The following FCRL3 variants were observed in gnomAD, a reference collection of about 807,000 sequenced individuals.
FCRL3 encodes the protein Fc receptor-like protein 3.
FCRL3 carries 89 observed loss-of-function variants against 75.0 expected under a neutral mutation model. The ratio of observed to expected loss-of-function variants is 1.19; its 90% CI spans 1.00 to 1.42. The LOEUF is 1.42. FCRL3 is among the 40% of genes most tolerant of loss of function. The pLI is 0.00. For synonymous variants in FCRL3, 376 were observed against 348.5 expected, an observed-to-expected ratio of 1.08 and a Z score of -0.88; for missense variants, 946 against 880.0, an observed-to-expected ratio of 1.07 and a Z score of -0.95.
intron 8 of FCRL3, among the ~76,000 whole-genome samples, chr1:157,693,768 G>A (rs759625676): frequency 2.6e-4 from 36 of 135,948 alleles, no homozygotes; most frequent in Non-Finnish European, 4.5e-4. Flanking sequence ...TCCTTTCGTT[G>A]ACATGGTATC....
chr1:157,695,210 G>A (rs2101618990), intron 8 of FCRL3, 119 bp downstream of exon 8: 2 of 1,033,032 alleles, frequency 1.9e-6, no homozygotes, highest in East Asian at 4.8e-5. Context: ...CCCAGGTGGA[G>A]TCAGAAAGAG....
Position 157,690,310 on chromosome 1 carries a change from C to T in FCRL3, c.1635G>A (p.Glu545=). The change falls in exon 9 of 15, where the codon GAG becomes GAA. Residue 545 remains glutamate, a synonymous_variant. Transcript: ENST00000368184. ...GCTGGGCCCCCAGGCCATTGTCAGC[C>T]TCACATGAGTAGTTTCCAGAATGTT... ...TTEHSGNYSC[E]ADNGLGAQHS... is the part of the protein sequence containing the mutation. 3.1e-6 allele frequency: 5 copies of T among 1,614,260 alleles called. No individual in the cohort carries two copies. The highest frequency in any genetic ancestry group is 4.2e-6 in the Non-Finnish European group (5 of 1,180,050).
chr1:157,697,714 C>T lies in FCRL3; in HGVS notation c.504G>A (p.Lys168=). ...NSKYHCTAYR[K]FYILDIEVTS... ...TTACTTCAATGTCAAGTATGTAAAA[C>T]TTCCTATAAGCAGTACAATGATATT... The change falls in exon 5 of 15, where the codon AAG becomes AAA. Residue 168 remains lysine, a synonymous_variant. Transcript: ENST00000368184. 1.2e-6 allele frequency: 2 copies of T among 1,613,872 alleles called. No individual in the cohort carries two copies. The highest frequency in any genetic ancestry group is 1.7e-6 in the Non-Finnish European group (2 of 1,179,818).
In FCRL3 at chr1:157,676,964, T is replaced by C; in HGVS notation, c.*1746A>G. 1.4e-6 allele frequency: 2 copies of C among 1,388,296 alleles called. No individual in the cohort carries two copies. Among genetic ancestry groups the C allele is most frequent in the East Asian group, 2.7e-5 (1 of 36,646 alleles). 86.0% of individuals were successfully genotyped at this position (1,388,296 alleles called of 1,614,324 possible). On this transcript the variant is annotated 3_prime_UTR_variant, in exon 15 of 15. Coordinates refer to ENST00000368184, the MANE Select transcript of FCRL3 (RefSeq NM_052939.4). ...CACCATAGAGAAAAAAACAGCAGAA[T>C]GTATCACATAGAAGACAGAGACATT...
At chr1:157,685,781 T>C (rs936600893) in intron 10 of FCRL3, among the ~76,000 whole-genome samples, 3 of 151,940 alleles carry the variant, frequency 2.0e-5, no homozygotes, top group Admixed American at 2.0e-4. Flanking sequence ...AAAATAGAAA[T>C]AAATATCAAG....
chr1:157,692,332 G>A lies in FCRL3; in HGVS notation c.1412-1799C>T, dbSNP rs866569366. On this transcript the variant is annotated intron_variant, in intron 8 of 14. Transcript: ENST00000368184. ...TGACTCACTGAAGCCTTGACCTCCT[G>A]GGCTCAAGTGATCCTGCTTCTTCAG... is the stretch of plus-strand genomic sequence containing the variant. 8.2e-4 allele frequency among the ~76,000 whole-genome samples: 125 copies of A among 152,060 alleles called. 1 individual carries two copies. In the Middle Eastern group the frequency reaches 0.017, roughly 21 times the overall value.
At chr1:157,689,475 A>G (rs541468062) in intron 10 of FCRL3, among the ~76,000 whole-genome samples, 13 of 152,318 alleles carry the variant, frequency 8.5e-5, no homozygotes, top group Admixed American at 7.8e-4. Flanking sequence ...GGTCACCTCT[A>G]TGATGATTTA....
At chr1:157,685,325 C>T (rs1387973387) in intron 10 of FCRL3, among the ~76,000 whole-genome samples, 1 of 151,936 alleles carries the variant, frequency 6.6e-6, no homozygotes, top group African/African-American at 2.4e-5. Context: ...ACTATAAGCC[C>T]TAAAGCAATC....
At chr1:157,690,190 A>T in intron 9 of FCRL3, 65 bp downstream of exon 9, 1 of 1,572,332 alleles carries the variant, frequency 6.4e-7, no homozygotes, top group South Asian at 1.2e-5. Flanking sequence ...GAATTTGTAC[A>T]ATCTGTCAGA....
chr1:157,678,805 C>T lies in FCRL3; in HGVS notation c.2110G>A (p.Ala704Thr), dbSNP rs1455603123. ...ELKKTHPDDS[A>T]GEASSRGRAH... ...CTGCCTCTGCTGCTAGCCTCCCCTG[C>T]AGAGTCGTCTGGGTGTGTCTTCTTC... is the stretch of plus-strand genomic sequence containing the variant. Residue 704 changes from alanine to threonine, a missense_variant, in exon 15 of 15, where the codon GCA (alanine) becomes ACA (threonine). Transcript: ENST00000368184. The T allele has an allele frequency of 1.2e-6, 2 of 1,614,028 alleles. No homozygotes were observed. The highest frequency in any genetic ancestry group is 1.7e-6 in the Non-Finnish European group (2 of 1,180,002).
At chr1:157,698,144 G>A (rs1267435495) in intron 4 of FCRL3, 2 of 720,790 alleles carry the variant, frequency 2.8e-6, no homozygotes, top group Non-Finnish European at 4.5e-6. Flanking sequence ...CACAAAAGAG[G>A]AATCCCAGAC....
chr1:157,695,969 C>T, intron 7 of FCRL3, 71 bp downstream of exon 7: 1 of 1,040,268 alleles, frequency 9.6e-7, no homozygotes, highest in Non-Finnish European at 1.3e-6. Context: ...TTTTAGGAGA[C>T]CTTAGTGGCT....
chr1:157,700,495 C>T lies in FCRL3; in HGVS notation c.-6G>A. On this transcript the variant is annotated 5_prime_UTR_variant, in exon 2 of 15. It adds an upstream start codon to the 5' untranslated region. Transcript: ENST00000368184. Reference sequence around the variant, plus strand: ...AGCAGCAGCCACAGAAGCATGGGCACCGGCCGGGCAGAGGGTTGGGAAAGT... The same window carrying T: ...AGCAGCAGCCACAGAAGCATGGGCATCGGCCGGGCAGAGGGTTGGGAAAGT... The T allele has an allele frequency of 6.2e-7, 1 of 1,614,022 alleles. No individual in the cohort carries two copies. The highest frequency in any genetic ancestry group is 2.2e-5 in the East Asian group (1 of 44,876).
chr1:157,690,674 T>TAAG, intron 8 of FCRL3, 141 bp from the exon 9 acceptor site: 1 of 1,023,480 alleles, frequency 9.8e-7, no homozygotes, highest in Non-Finnish European at 1.4e-6. Flanking sequence ...CCTGTCTCTA[T>TAAG]CCTTTATTAG....
At position 157,677,949 on chromosome 1, in the gene FCRL3, T is replaced by C. The variant is rs775826512; in HGVS notation, c.*761A>G. On this transcript the variant is annotated 3_prime_UTR_variant, in exon 15 of 15. Transcript: ENST00000368184. ...TAGTAGGTTATTGTCTCGGGGTTAATGGGTGCTTATAAGAATAAAACTGAC... is the reference window on the plus strand; with the variant it reads ...TAGTAGGTTATTGTCTCGGGGTTAACGGGTGCTTATAAGAATAAAACTGAC... 1.0e-6 allele frequency: 1 copy of C among 985,044 alleles called. No homozygotes were observed. The highest frequency in any genetic ancestry group is 1.2e-6 in the Non-Finnish European group (1 of 829,634). The allele number at this position is 985,044 out of a possible 1,614,324, so 61.0% of individuals were successfully genotyped here. A position where few individuals can be genotyped will look rare whatever the true frequency, so the allele number is the denominator to read the frequency against.
At chr1:157,679,830 C>CAAA (rs1166825112) in intron 13 of FCRL3, among the ~76,000 whole-genome samples, 2,042 of 49,660 alleles carry the variant, frequency 0.041, 561 homozygotes, top group African/African-American at 0.068. Context: ...CCCCATCTCA[C>CAAA]AAAAAAAAAA....
chr1:157,689,656 G>T, intron 10 of FCRL3, 142 bp downstream of exon 10: 4 of 1,057,336 alleles, frequency 3.8e-6, no homozygotes, highest in Non-Finnish European at 5.2e-6. Flanking sequence ...TGCTACAATT[G>T]CCTACAGAGT....
At position 157,683,880 on chromosome 1, in the gene FCRL3, C is replaced by T. The variant is rs572292194; in HGVS notation, c.1811-636G>A. Among the ~76,000 whole-genome samples, 6 of 152,288 alleles carry T rather than the reference C, an allele frequency of 3.9e-5. No individual in the cohort carries two copies. In the South Asian group the frequency reaches 1.2e-3, roughly 32 times the overall value. On this transcript the variant is annotated intron_variant, in intron 10 of 14. Coordinates refer to ENST00000368184, the MANE Select transcript of FCRL3 (RefSeq NM_052939.4). Reference sequence around the variant, plus strand: ...ACAGGCTGGATTAAGTAAACTGTCTCCATGCACATAAGACCATGTAATATT... The same window carrying T: ...ACAGGCTGGATTAAGTAAACTGTCTTCATGCACATAAGACCATGTAATATT...
intron 2 of FCRL3, 89 bp from the exon 3 acceptor site, chr1:157,699,801 C>A: frequency 7.2e-7 from 1 of 1,396,918 alleles, no homozygotes; most frequent in Admixed American, 1.9e-5. Context: ...TTTTCCTTAT[C>A]ATTTCTTTGC....
Sources: gnomAD v4.1 joint callset for allele counts (sites outside exome capture counted in the v4.1 genomes callset) on GRCh38, gnomAD v4.1.1 for gene constraint, MANE v1.5 for transcripts, NCBI Gene and HGNC (gene_info 2026-07-23, HGNC 2026-07-21) for gene names.